Variants in SCAP observed in about 807,000 individuals in gnomAD.
The protein encoded by SCAP is SREBF chaperone.
A neutral mutation model predicts 123.6 loss-of-function variants in SCAP; 65 were observed. That is an observed-to-expected ratio of 0.53 (90% CI 0.43 to 0.65). The LOEUF is 0.65. SCAP is among the 30% of genes least tolerant of loss of function. The probability of loss-of-function intolerance (pLI) is 0.00; values close to 1 mark genes in which losing one functional copy is unlikely to be tolerated. For synonymous variants in SCAP, 740 were observed against 726.3 expected (o/e 1.02, Z -0.30); for missense variants, 1,398 against 1,712.5 (o/e 0.82, Z 3.24).
At chr3:47,448,027 A>C (rs899976587) in intron 1 of SCAP, among the ~76,000 whole-genome samples, 25 of 151,496 alleles carry the variant, frequency 1.7e-4, no homozygotes, top group African/African-American at 3.4e-4. Flanking sequence ...AAAAAAAAAA[A>C]AAAAAACTTG....
At chr3:47,443,265 C>T in intron 1 of SCAP, 174 bp from the exon 2 acceptor site, 1 of 238,060 alleles carries the variant, frequency 4.2e-6, no homozygotes, top group Non-Finnish European at 7.9e-6. Flanking sequence ...CACACACACA[C>T]ACACACACAC....
At chr3:47,431,606 C>T (rs1010105275) in intron 3 of SCAP, among the ~76,000 whole-genome samples, 5 of 152,010 alleles carry the variant, frequency 3.3e-5, no homozygotes, top group African/African-American at 1.2e-4. Context: ...GTAGGGTGTT[C>T]CTCAACTAGG....
intron 4 of SCAP, 78 bp downstream of exon 4, chr3:47,428,435 G>A: frequency 1.4e-6 from 2 of 1,434,190 alleles, no homozygotes; most frequent in Non-Finnish European, 1.9e-6. Context: ...CTGGCTCACT[G>A]CAGTTACACT....
Position 47,419,483 on chromosome 3 carries a change from G to T in SCAP, c.1785C>A (p.Gly595=). The T allele has an allele frequency of 6.2e-7, 1 of 1,613,990 alleles. No homozygotes were observed. Among genetic ancestry groups the T allele is most frequent in the South Asian group, 1.1e-5 (1 of 91,088 alleles). The part of the protein sequence containing the change: ...PKLPENQTSP[G]ESPERGGPAE... ...CTGGACCTCCACGCTCAGGTGACTC[G>T]CCTGGCGACGTCTGGTTCTCAGGTA... is the stretch of plus-strand genomic sequence containing the variant. Residue 595 remains glycine (G), a synonymous_variant, in exon 13 of 23, where the codon GGC becomes GGA. Coordinates refer to ENST00000265565, the MANE Select transcript of SCAP (RefSeq NM_012235.4). The surrounding 1 kb of genome is among the most constrained non-coding windows in gnomAD (Gnocchi z 5.0).
intron 10 of SCAP, 80 bp from the exon 11 acceptor site, chr3:47,421,109 GC>G: frequency 9.1e-7 from 1 of 1,094,228 alleles, no homozygotes; most frequent in Non-Finnish European, 1.4e-6. Context: ...CCGGACTGCA[GC>G]CACCTCATAA....
chr3:47,454,326 C>T (rs1476866913), intron 1 of SCAP, among the ~76,000 whole-genome samples: 3 of 151,684 alleles, frequency 2.0e-5, no homozygotes, highest in East Asian at 1.9e-4. Context: ...AGAGATCACG[C>T]CACTGCACTC....
intron 2 of SCAP, among the ~76,000 whole-genome samples, chr3:47,440,678 G>A (rs1273238286): frequency 6.6e-6 from 1 of 152,082 alleles, no homozygotes; most frequent in Non-Finnish European, 1.5e-5. Flanking sequence ...AGACCAGCCT[G>A]GGCAACATGG....
chr3:47,420,409 G>T lies in SCAP; in HGVS notation c.1563+145C>A. Reference sequence around the variant, plus strand: ...AGGGTCTGGGCAGGGAGGACACAACGGGCAACTCCCCAGAGCCAGGCTTCC... The same window carrying T: ...AGGGTCTGGGCAGGGAGGACACAACTGGCAACTCCCCAGAGCCAGGCTTCC... On this transcript the variant is annotated intron_variant, in intron 12 of 22. Transcript: ENST00000265565. The surrounding 1 kb of genome is among the most constrained non-coding windows in gnomAD (Gnocchi z 5.0). 2 of 701,126 alleles carry T rather than the reference G, an allele frequency of 2.9e-6. No homozygotes were observed. Among genetic ancestry groups the T allele is most frequent in the East Asian group, 2.7e-5 (1 of 36,672 alleles). 43.4% of individuals were successfully genotyped at this position (701,126 alleles called of 1,614,324 possible). A position where few individuals can be genotyped will look rare whatever the true frequency, so the allele number is the denominator to read the frequency against.
In SCAP at chr3:47,414,230, TGAG is replaced by T. The variant is rs1705455654; in HGVS notation, c.3541_3543del (p.Leu1181del). 1.9e-6 allele frequency: 3 copies of T among 1,613,660 alleles called. No individual in the cohort carries two copies. The highest frequency in any genetic ancestry group is 2.5e-6 in the Non-Finnish European group (3 of 1,180,014). ...CCTGTGCTGCGGTCCCAGATGCTGA[TGAG>T]GTCATCCAGGCCACTGCTGATGACA... On this transcript the variant is annotated inframe_deletion, in exon 22 of 23. Coordinates refer to ENST00000265565, the MANE Select transcript of SCAP (RefSeq NM_012235.4).
At chr3:47,445,062 G>T (rs1323631347) in intron 1 of SCAP, among the ~76,000 whole-genome samples, 1 of 150,642 alleles carries the variant, frequency 6.6e-6, no homozygotes, top group Non-Finnish European at 1.5e-5. Flanking sequence ...ATGAGGCACC[G>T]AGCCCAGCCA....
At chr3:47,425,644 C>T in intron 7 of SCAP, 33 bp from the exon 8 acceptor site, 1 of 1,609,084 alleles carries the variant, frequency 6.2e-7, no homozygotes, top group Non-Finnish European at 8.5e-7. Flanking sequence ...CAGGGCGGCC[C>T]CTCCCCCAGC....
At chr3:47,432,081 G>A (rs1467896586) in intron 3 of SCAP, among the ~76,000 whole-genome samples, 1 of 152,048 alleles carries the variant, frequency 6.6e-6, no homozygotes, top group African/African-American at 2.4e-5. Context: ...TTGGGAGGCC[G>A]AGGCGGATGG....
intron 18 of SCAP, among the ~76,000 whole-genome samples, chr3:47,416,550 C>T (rs1239394540): frequency 1.3e-5 from 2 of 151,626 alleles, no homozygotes; most frequent in East Asian, 1.9e-4. Flanking sequence ...CCCACTGTCA[C>T]TGCTTAAGGC....
rs1206972338 is a variant in SCAP, at chr3:47,418,669, G to A, written c.2115C>T (p.Asp705=). ...KGPGGVQAHG[D]VTLYKVAALG... ...AGCAGCCTTACTTGTACAGCGTGAC[G>A]TCTCCATGGGCCTGCACCCCACCTG... Residue 705 remains aspartate (D), a synonymous_variant, in exon 14 of 23, where the codon GAC becomes GAT. Transcript: ENST00000265565. 2.5e-6 allele frequency: 4 copies of A among 1,570,118 alleles called. No individual in the cohort carries two copies. Among genetic ancestry groups the A allele is most frequent in the East Asian group, 2.4e-5 (1 of 42,446 alleles).
intron 1 of SCAP, among the ~76,000 whole-genome samples, chr3:47,461,084 C>T (rs1043917398): frequency 6.6e-6 from 1 of 152,110 alleles, no homozygotes; most frequent in Admixed American, 6.6e-5. Flanking sequence ...CTCTGTACCC[C>T]CTCCATGCCC....
At chr3:47,468,486 T>C (rs1291734778) in intron 1 of SCAP, among the ~76,000 whole-genome samples, 1 of 152,240 alleles carries the variant, frequency 6.6e-6, no homozygotes, top group East Asian at 1.9e-4. Context: ...AAGCATTTTT[T>C]CATGTGTCTG....
At chr3:47,450,426 T>G (rs1458164447) in intron 1 of SCAP, among the ~76,000 whole-genome samples, 1 of 125,354 alleles carries the variant, frequency 8.0e-6, no homozygotes, top group Non-Finnish European at 1.8e-5. Flanking sequence ...AAAATAAAAA[T>G]TATATACAAA....
chr3:47,421,075 G>A (rs1211657942), intron 10 of SCAP, 46 bp from the exon 11 acceptor site: 4 of 1,497,192 alleles, frequency 2.7e-6, no homozygotes, highest in Non-Finnish European at 2.8e-6. Context: ...TGACCTCACT[G>A]TCCCAGCCCA....
chr3:47,456,274 C>T (rs188416654), intron 1 of SCAP, among the ~76,000 whole-genome samples: 58 of 152,206 alleles, frequency 3.8e-4, no homozygotes, highest in African/African-American at 1.3e-3. Context: ...TGGTGATGCA[C>T]ACCTGTAGTC....
Sources: allele counts gnomAD v4.1 joint callset (sites outside exome capture counted in the v4.1 genomes callset), GRCh38; gene constraint gnomAD v4.1.1; non-coding constraint Gnocchi (gnomAD v3.1); transcripts MANE v1.5; gene names NCBI Gene and HGNC (gene_info 2026-07-23, HGNC 2026-07-21).